The following NDST3 variants were observed in gnomAD, a reference collection of about 807,000 sequenced individuals.
NDST3 encodes bifunctional heparan sulfate N-deacetylase/N-sulfotransferase 3.
A neutral mutation model predicts 96.1 loss-of-function variants in NDST3; 58 were observed. The ratio of observed to expected loss-of-function variants is 0.60; its 90% CI spans 0.49 to 0.75. The LOEUF is 0.75. Ranked by LOEUF, NDST3 falls within the 30% of genes least tolerant of loss-of-function variation. The pLI, the probability that NDST3 is intolerant of heterozygous loss-of-function variation, is 0.00. For synonymous variants in NDST3, 333 were observed against 359.7 expected (o/e 0.93, Z 0.84); for missense variants, 788 against 1,034.2 (o/e 0.76, Z 3.27).
At chr4:118,228,526 G>A (rs984192685) in intron 8 of NDST3, among the ~76,000 whole-genome samples, 4 of 152,152 alleles carry the variant, frequency 2.6e-5, no homozygotes, top group African/African-American at 7.2e-5. Context: ...GGCATTTGTC[G>A]TTGGAAAAGA....
chr4:118,063,661 T>C (rs1459989572), intron 2 of NDST3, among the ~76,000 whole-genome samples: 1 of 152,190 alleles, frequency 6.6e-6, no homozygotes, highest in Non-Finnish European at 1.5e-5. Flanking sequence ...TTACTGAGTA[T>C]GTACGTTGTT....
rs565612631 is a variant in NDST3, at chr4:118,083,614, G to A, written c.982-21404G>A. Among the ~76,000 whole-genome samples the A allele has an allele frequency of 4.3e-3, 657 of 152,198 alleles. 5 individuals are homozygous for A. The highest frequency in any genetic ancestry group is 7.4e-3 in the Non-Finnish European group (501 of 68,000). On this transcript the variant is annotated intron_variant, in intron 2 of 13. Transcript: ENST00000296499. ...TGGTTTGCCTTTTGTTGGTATAGAG[G>A]CATTCATCAGGAAAGGGTAGAGATA...
At chr4:118,194,228 C>A in intron 6 of NDST3, 1 of 728,018 alleles carries the variant, frequency 1.4e-6, no homozygotes, top group Non-Finnish European at 2.5e-6. Flanking sequence ...CTTGTAGCAC[C>A]CTTCCAGTGC....
At chr4:118,089,339 CT>C (rs1728683533) in intron 2 of NDST3, among the ~76,000 whole-genome samples, 1 of 151,598 alleles carries the variant, frequency 6.6e-6, no homozygotes, top group Non-Finnish European at 1.5e-5. Context: ...TTGAAGTTAT[CT>C]TTGTAAAGAA....
At chr4:118,060,291 GT>G (rs1267670306) in intron 2 of NDST3, among the ~76,000 whole-genome samples, 1 of 151,400 alleles carries the variant, frequency 6.6e-6, no homozygotes, top group African/African-American at 2.4e-5. Flanking sequence ...ATTTTAATAT[GT>G]TTTTTCATTC....
chr4:118,153,722 G>T (rs1734554322), intron 6 of NDST3, among the ~76,000 whole-genome samples: 1 of 152,100 alleles, frequency 6.6e-6, no homozygotes. Context: ...TACTTGGGAG[G>T]CTGAGGCAGG....
chr4:118,206,131 C>T (rs535411815), intron 6 of NDST3, among the ~76,000 whole-genome samples: 5 of 144,166 alleles, frequency 3.5e-5, no homozygotes, highest in Admixed American at 3.4e-4. Flanking sequence ...CTTGCCACTA[C>T]CCTCTACAAC....
At chr4:118,139,932 C>T (rs1733432183) in intron 5 of NDST3, among the ~76,000 whole-genome samples, 1 of 152,178 alleles carries the variant, frequency 6.6e-6, no homozygotes, top group Non-Finnish European at 1.5e-5. Context: ...CAGGTTCCAT[C>T]CACCACCTCA....
chr4:118,038,969 A>G (rs1381613429), intron 1 of NDST3, among the ~76,000 whole-genome samples: 1 of 152,198 alleles, frequency 6.6e-6, no homozygotes, highest in African/African-American at 2.4e-5. Context: ...CCCCTTGCAG[A>G]TATTGCAATA....
chr4:118,049,986 C>T (rs1180643729), intron 1 of NDST3, among the ~76,000 whole-genome samples: 1 of 151,908 alleles, frequency 6.6e-6, no homozygotes, highest in Non-Finnish European at 1.5e-5. Context: ...AATTCTCAAC[C>T]AAATACTAGG....
chr4:118,132,536 G>A (rs1040749376), intron 4 of NDST3, among the ~76,000 whole-genome samples: 1 of 152,110 alleles, frequency 6.6e-6, no homozygotes, highest in Non-Finnish European at 1.5e-5. Context: ...GAGACCCCAA[G>A]AGCCTGCTTG....
At chr4:118,242,753 T>G (rs1006231641) in intron 12 of NDST3, among the ~76,000 whole-genome samples, 7 of 152,090 alleles carry the variant, frequency 4.6e-5, no homozygotes, top group African/African-American at 1.4e-4. Flanking sequence ...TTGTATGGTT[T>G]TTTGCTGGTT....
At chr4:118,040,896 TATTTATATATATATAA>T (rs1433690675) in intron 1 of NDST3, among the ~76,000 whole-genome samples, 4 of 109,468 alleles carry the variant, frequency 3.7e-5, no homozygotes, top group Non-Finnish European at 2.1e-5. Flanking sequence ...TATATATATA[TATTTATATATATATAA>T]AATTTTGTAT....
At chr4:118,143,484 CA>C (rs749435873) in intron 5 of NDST3, 71 bp from the exon 6 acceptor site, 96 of 1,512,970 alleles carry the variant, frequency 6.3e-5, no homozygotes, top group Admixed American at 1.0e-4. Flanking sequence ...CTTGTGTGAG[CA>C]AAAAGCTAAG....
chr4:118,230,662 ACAAGCCC>A (rs547546649), intron 8 of NDST3, among the ~76,000 whole-genome samples: 99 of 152,316 alleles, frequency 6.5e-4, no homozygotes, highest in African/African-American at 2.4e-3. Context: ...CTATGTTTTA[ACAAGCCC>A]CCAGATGAAT....
intron 6 of NDST3, chr4:118,193,826 A>C: frequency 7.1e-7 from 1 of 1,414,176 alleles, no homozygotes. Context: ...GTAAGAGGCC[A>C]GTTGAAGGGC....
intron 6 of NDST3, among the ~76,000 whole-genome samples, chr4:118,158,968 T>C (rs906037821): frequency 2.1e-4 from 32 of 152,098 alleles, no homozygotes; most frequent in African/African-American, 7.7e-4. Context: ...ACCAGCTGCA[T>C]AGAGGCCAGT....
chr4:118,181,847 T>A (rs1736628741), intron 6 of NDST3, among the ~76,000 whole-genome samples: 1 of 152,184 alleles, frequency 6.6e-6, no homozygotes, highest in South Asian at 2.1e-4. Context: ...TCCATTTATC[T>A]ATAAGGCAAT....
At chr4:118,082,072 C>T (rs975862792) in intron 2 of NDST3, among the ~76,000 whole-genome samples, 5 of 152,160 alleles carry the variant, frequency 3.3e-5, no homozygotes, top group Admixed American at 2.0e-4. Flanking sequence ...CTCTCCTTTT[C>T]CTTGCAAGCA....
Sources: gnomAD v4.1 joint callset for allele counts (sites outside exome capture counted in the v4.1 genomes callset) on GRCh38, gnomAD v4.1.1 for gene constraint, MANE v1.5 for transcripts, NCBI Gene and HGNC (gene_info 2026-07-23, HGNC 2026-07-21) for gene names.